UNG: variants seen among roughly 807,000 people sequenced by gnomAD.
UNG encodes the protein uracil DNA glycosylase.
Under a neutral mutation model 36.5 loss-of-function variants are expected in UNG, and 34 were observed. The ratio of observed to expected loss-of-function variants is 0.93; its 90% confidence interval spans 0.71 to 1.24. The LOEUF (loss-of-function observed/expected upper bound fraction) is 1.24. Among genes scored for constraint, UNG ranks in the 50% most tolerant of loss-of-function variants. UNG has a pLI of 0.00. For synonymous variants in UNG, 172 were observed against 157.8 expected, an observed-to-expected ratio of 1.09 and a Z score of -0.67; for missense variants, 391 against 397.6, an observed-to-expected ratio of 0.98 and a Z score of 0.14.
In UNG at chr12:109,103,805, G is replaced by A. The variant is rs112836631; in HGVS notation, c.801+194G>A. 7.2e-5 allele frequency among the ~76,000 whole-genome samples: 11 copies of A among 152,238 alleles called. 1 individual carries two copies. The highest frequency in any genetic ancestry group is 2.4e-4 in the African/African-American group (10 of 41,520). ...AATTTGGACAAATTATAGGGGTGATGAGTTGTGTATGAGGAAAGCAAAGCA... is the reference window on the plus strand; with the variant it reads ...AATTTGGACAAATTATAGGGGTGATAAGTTGTGTATGAGGAAAGCAAAGCA... On this transcript the variant is annotated intron_variant, in intron 6 of 6. Coordinates refer to ENST00000242576, the MANE Select transcript of UNG (RefSeq NM_080911.3).
intron 6 of UNG, among the ~76,000 whole-genome samples, chr12:109,107,913 G>C (rs913103087): frequency 8.6e-5 from 13 of 152,002 alleles, no homozygotes; most frequent in African/African-American, 3.1e-4. Flanking sequence ...TATTCAGAGA[G>C]TTCAGAAAGG....
At chr12:109,098,105 G>T (rs913697180) in intron 1 of UNG, 3 of 1,377,664 alleles carry the variant, frequency 2.2e-6, no homozygotes, top group East Asian at 5.4e-5. Flanking sequence ...CCAGAGGGAG[G>T]TTTTTTGCCG....
intron 4 of UNG, 104 bp from the exon 5 acceptor site, chr12:109,102,735 C>T (rs1359624507): frequency 2.2e-6 from 2 of 905,150 alleles, no homozygotes; most frequent in Non-Finnish European, 3.6e-6. Context: ...CTTCCAAGGG[C>T]TGGCTGTAAC....
chr12:109,099,790 C>T (rs565728407), intron 3 of UNG, among the ~76,000 whole-genome samples: 1 of 152,220 alleles, frequency 6.6e-6, no homozygotes, highest in South Asian at 2.1e-4. Flanking sequence ...TTCAGAAGTT[C>T]GTGGGGCTGG....
intron 2 of UNG, 111 bp downstream of exon 2, chr12:109,098,749 C>T (rs1030247881): frequency 3.1e-5 from 42 of 1,349,148 alleles, no homozygotes; most frequent in Non-Finnish European, 4.0e-5. Context: ...GGTTGTACCC[C>T]CTTCAACCTC....
At chr12:109,107,387 G>A (rs2042225628) in intron 6 of UNG, among the ~76,000 whole-genome samples, 1 of 151,426 alleles carries the variant, frequency 6.6e-6, no homozygotes, top group East Asian at 1.9e-4. Context: ...TTTTTTTTGT[G>A]GAGACAGGGT....
chr12:109,102,730 A>G (rs544644925), intron 4 of UNG, 109 bp from the exon 5 acceptor site: 6 of 874,270 alleles, frequency 6.9e-6, no homozygotes, highest in South Asian at 5.5e-5. Flanking sequence ...TGTCCCTTCC[A>G]AGGGCTGGCT....
intron 4 of UNG, among the ~76,000 whole-genome samples, chr12:109,102,265 T>C (rs2042183917): frequency 6.6e-6 from 1 of 152,166 alleles, no homozygotes; most frequent in East Asian, 1.9e-4. Flanking sequence ...TAATGAAAAA[T>C]GTGCAGACAT....
chr12:109,098,149 TCTGGCGGGGGCGGGG>T (rs1284320461), intron 1 of UNG: 14 of 1,380,158 alleles, frequency 1.0e-5, no homozygotes, highest in Non-Finnish European at 1.2e-5. Flanking sequence ...GTGGGGCGGG[TCTGGCGGGGGCGGGG>T]CACCTCTGTG....
chr12:109,099,376 A>G, intron 3 of UNG, 92 bp downstream of exon 3: 1 of 1,073,490 alleles, frequency 9.3e-7, no homozygotes. Flanking sequence ...ACAGTCCATC[A>G]TTCAGTAGTA....
In UNG at chr12:109,110,249, C is replaced by T; in HGVS notation, c.*280C>T. 2.1e-6 allele frequency: 1 copy of T among 467,034 alleles called. No individual in the cohort carries two copies. The highest frequency in any genetic ancestry group is 3.9e-6 in the Non-Finnish European group (1 of 255,154). 28.9% of individuals were successfully genotyped at this position (467,034 alleles called of 1,614,324 possible). On this transcript the variant is annotated 3_prime_UTR_variant, in exon 7 of 7. Transcript: ENST00000242576. The stretch of plus-strand genomic sequence containing the variant: ...AATACTCAGTTGGCTCTCTTTATCT[C>T]CCTTGCCTTTATGGTGAAACAGGGG...
intron 3 of UNG, among the ~76,000 whole-genome samples, chr12:109,100,624 CAG>C (rs1024462345): frequency 4.6e-5 from 7 of 152,262 alleles, no homozygotes; most frequent in South Asian, 2.1e-4. Flanking sequence ...TCAGTATAAA[CAG>C]GGAATATTAA....
chr12:109,101,932 T>C lies in UNG; in HGVS notation c.466T>C (p.Tyr156His). 1 of 1,614,066 alleles carries C rather than the reference T, an allele frequency of 6.2e-7. No homozygotes were observed. Among genetic ancestry groups the C allele is most frequent in the Non-Finnish European group, 8.5e-7 (1 of 1,179,994 alleles). The stretch of plus-strand genomic sequence containing the variant: ...GGTTGTCATCCTGGGACAGGATCCA[T>C]ATCATGGACCTAATCAAGCTCACGG... The part of the protein sequence containing the change: ...VKVVILGQDP[Y>H]HGPNQAHGLC... The change falls in exon 4 of 7, where the codon TAT (tyrosine) becomes CAT (histidine). Residue 156 changes from tyrosine to histidine, a missense_variant. Transcript: ENST00000242576.
chr12:109,109,482 G>GAAA (rs765992796), intron 6 of UNG, among the ~76,000 whole-genome samples: 28,090 of 146,750 alleles, frequency 0.19, 2,647 homozygotes, highest in East Asian at 0.32. Flanking sequence ...TCCTTTTTGG[G>GAAA]GAAAAAAAAA....
intron 6 of UNG, among the ~76,000 whole-genome samples, chr12:109,105,843 AG>A (rs1317569086): frequency 6.6e-6 from 1 of 152,080 alleles, no homozygotes; most frequent in Non-Finnish European, 1.5e-5. Flanking sequence ...TCTTGCCTGG[AG>A]GGTTCTGATG....
At chr12:109,102,774 G>A (rs1188917623) in intron 4 of UNG, 65 bp from the exon 5 acceptor site, 12 of 1,337,150 alleles carry the variant, frequency 9.0e-6, no homozygotes, top group East Asian at 6.9e-5. Context: ...TGTCTTAGAC[G>A]TTACTGAGCT....
intron 2 of UNG, among the ~76,000 whole-genome samples, chr12:109,098,934 C>T (rs1412176500): frequency 6.6e-6 from 1 of 152,182 alleles, no homozygotes; most frequent in East Asian, 1.9e-4. Flanking sequence ...TGAAACCTGG[C>T]TTGAGCTTTA....
At chr12:109,103,766 T>G (rs1207607784) in intron 6 of UNG, among the ~76,000 whole-genome samples, 155 bp downstream of exon 6, 1 of 152,176 alleles carries the variant, frequency 6.6e-6, no homozygotes, top group Non-Finnish European at 1.5e-5. Flanking sequence ...GGTTTCCCAT[T>G]GAAAACTGAG....
At chr12:109,102,253 G>A (rs563209224) in intron 4 of UNG, among the ~76,000 whole-genome samples, 6 of 152,248 alleles carry the variant, frequency 3.9e-5, no homozygotes, top group African/African-American at 4.8e-5. Flanking sequence ...CCCAGCTCGT[G>A]ATAATGAAAA....
Sources: gnomAD v4.1 joint callset for allele counts (sites outside exome capture counted in the v4.1 genomes callset) on GRCh38, gnomAD v4.1.1 for gene constraint, MANE v1.5 for transcripts, NCBI Gene and HGNC (gene_info 2026-07-23, HGNC 2026-07-21) for gene names.